EYS: variants seen among roughly 807,000 people sequenced by gnomAD.
EYS encodes protein eyes shut homolog.
Under a neutral mutation model 282.1 loss-of-function variants are expected in EYS, and 250 were observed. The ratio of observed to expected loss-of-function variants is 0.89; its 90% CI spans 0.80 to 0.98. The LOEUF is 0.98. Among genes scored for constraint, EYS ranks in the 50% least tolerant of loss-of-function variants. EYS has a pLI of 0.00. For synonymous variants in EYS, 1,355 were observed against 1,282.9 expected (o/e 1.06, Z -1.20); for missense variants, 4,016 against 3,709.0 (o/e 1.08, Z -2.15).
intron 2 of EYS, among the ~76,000 whole-genome samples, chr6:65,515,880 A>G (rs979072755): frequency 1.3e-5 from 2 of 151,628 alleles, no homozygotes; most frequent in African/African-American, 4.8e-5. Context: ...AGCATGGCAC[A>G]TGTATACATA....
intron 29 of EYS, among the ~76,000 whole-genome samples, chr6:64,333,545 T>C (rs2150391922): frequency 6.6e-6 from 1 of 152,216 alleles, no homozygotes; most frequent in East Asian, 1.9e-4. Context: ...GAAGTGAAGA[T>C]AGGGTGCACA....
intron 8 of EYS, among the ~76,000 whole-genome samples, chr6:65,368,025 C>T (rs60534103): frequency 6.6e-6 from 1 of 151,528 alleles, no homozygotes; most frequent in Admixed American, 6.7e-5. Flanking sequence ...CCTCAGGAAA[C>T]TTACAATCAT....
intron 18 of EYS, among the ~76,000 whole-genome samples, chr6:64,891,518 C>G (rs914316661): frequency 4.6e-5 from 7 of 152,024 alleles, no homozygotes; most frequent in African/African-American, 1.7e-4. Flanking sequence ...AATAAAAGTG[C>G]CTAGGGTATG....
chr6:64,071,534 A>G (rs1260226924), intron 32 of EYS, among the ~76,000 whole-genome samples: 1 of 150,336 alleles, frequency 6.7e-6, no homozygotes, highest in Admixed American at 6.6e-5. Flanking sequence ...AGTAAATAAA[A>G]TCTTTGACAT....
rs1774139683 is a variant in EYS at position 65,078,896 on chromosome 6, C to T, written c.2024-21169G>A. On this transcript the variant is annotated intron_variant, in intron 12 of 42. Transcript: ENST00000503581. ...ATCTGGTTGTTTTAATGTGTGGAAC[C>T]TCCCCTCCCACTCCCTCTTGTTCCT... is the stretch of plus-strand genomic sequence containing the variant. Among the ~76,000 whole-genome samples, 3 of 151,314 alleles carry T rather than the reference C, an allele frequency of 2.0e-5. No individual in the cohort carries two copies. In the South Asian group the frequency reaches 6.3e-4, roughly 32 times the overall value.
intron 19 of EYS, among the ~76,000 whole-genome samples, chr6:64,878,656 C>T (rs534954335): frequency 2.0e-4 from 30 of 150,912 alleles, no homozygotes; most frequent in South Asian, 1.3e-3. Flanking sequence ...TGTGTGTTTG[C>T]GTGTGTGTGT....
intron 12 of EYS, among the ~76,000 whole-genome samples, chr6:65,130,581 A>G (rs1001568859): frequency 3.3e-5 from 5 of 151,924 alleles, no homozygotes; most frequent in Admixed American, 2.6e-4. Flanking sequence ...ATTGTCACTT[A>G]TAAGTGGGAG....
intron 28 of EYS, among the ~76,000 whole-genome samples, chr6:64,391,096 G>T (rs1176429404): frequency 2.6e-5 from 4 of 152,076 alleles, no homozygotes; most frequent in African/African-American, 9.7e-5. Context: ...AAAGAAAGGA[G>T]CAAAGCCTCC....
rs146396841 is a variant in EYS, at chr6:64,759,000, G to A, written c.3443+54378C>T. On this transcript the variant is annotated intron_variant, in intron 22 of 42. Transcript: ENST00000503581. ...AAAAATACAAAAAAATTAACCAGAC[G>A]TGATGGCGGGCGCCTGTAGTCCCAG... 3.8e-3 allele frequency among the ~76,000 whole-genome samples: 571 copies of A among 152,136 alleles called. 4 individuals carry two copies. Among genetic ancestry groups the A allele is most frequent in the Middle Eastern group, 0.014 (4 of 294 alleles).
chr6:64,491,373 T>C (rs143446064), intron 26 of EYS, among the ~76,000 whole-genome samples: 425 of 151,060 alleles, frequency 2.8e-3, no homozygotes, highest in African/African-American at 9.9e-3. Context: ...ATTTACTTGA[T>C]AGAAATTAGA....
At chr6:63,933,184 C>G (rs560442277) in intron 35 of EYS, among the ~76,000 whole-genome samples, 1 of 152,244 alleles carries the variant, frequency 6.6e-6, no homozygotes, top group East Asian at 1.9e-4. Context: ...TCTGGAAGCC[C>G]TCTGAATCCT....
At chr6:65,426,107 T>C (rs1767650862) in intron 5 of EYS, among the ~76,000 whole-genome samples, 2 of 152,068 alleles carry the variant, frequency 1.3e-5, no homozygotes, top group Admixed American at 1.3e-4. Context: ...CAAAAGTATC[T>C]AAGACTAGAG....
At chr6:64,015,183 A>G (rs1220990032) in intron 33 of EYS, among the ~76,000 whole-genome samples, 1 of 152,194 alleles carries the variant, frequency 6.6e-6, no homozygotes, top group Non-Finnish European at 1.5e-5. Flanking sequence ...AGAGATAATA[A>G]TTCCTGGAGT....
intron 26 of EYS, among the ~76,000 whole-genome samples, chr6:64,535,840 A>G (rs1212223292): frequency 6.6e-6 from 1 of 152,184 alleles, no homozygotes; most frequent in Non-Finnish European, 1.5e-5. Context: ...TATCTTAAGT[A>G]GTTAACCATT....
At chr6:65,138,597 G>A (rs1259724787) in intron 12 of EYS, among the ~76,000 whole-genome samples, 1 of 151,960 alleles carries the variant, frequency 6.6e-6, no homozygotes, top group East Asian at 1.9e-4. Context: ...TAGGATCCGA[G>A]AAATAACATA....
At chr6:63,734,317 G>C (rs1237110365) in intron 41 of EYS, among the ~76,000 whole-genome samples, 3 of 152,002 alleles carry the variant, frequency 2.0e-5, no homozygotes, top group Non-Finnish European at 4.4e-5. Flanking sequence ...CAGACCAGTA[G>C]AAAATTGTCT....
intron 7 of EYS, among the ~76,000 whole-genome samples, chr6:65,386,376 A>G (rs1765804730): frequency 6.6e-6 from 1 of 151,190 alleles, no homozygotes; most frequent in African/African-American, 2.4e-5. Flanking sequence ...CCTATGTAAG[A>G]AACATGCGCT....
chr6:64,886,046 C>T (rs551054302), intron 19 of EYS, among the ~76,000 whole-genome samples: 20 of 149,624 alleles, frequency 1.3e-4, no homozygotes, highest in Non-Finnish European at 2.2e-4. Flanking sequence ...TGAAAAAATA[C>T]ATATGAAACA....
rs188583790 is a variant in EYS at position 64,395,745 on chromosome 6, G to T, written c.5928-6905C>A. 8.7e-3 allele frequency among the ~76,000 whole-genome samples: 1,295 copies of T among 149,630 alleles called. 26 individuals carry two copies. The highest frequency in any genetic ancestry group is 0.029 in the African/African-American group (1,186 of 40,492). On this transcript the variant is annotated intron_variant, in intron 28 of 42. Transcript: ENST00000503581. ...ACATGTATACATATGTAACTAACCTGCACAATGTGCACATGTACCCTAAAA... is the reference window on the plus strand; with the variant it reads ...ACATGTATACATATGTAACTAACCTTCACAATGTGCACATGTACCCTAAAA...
Sources: allele counts gnomAD v4.1 joint callset (sites outside exome capture counted in the v4.1 genomes callset), GRCh38; gene constraint gnomAD v4.1.1; transcripts MANE v1.5; gene names NCBI Gene and HGNC (gene_info 2026-07-23, HGNC 2026-07-21).